The following ASIC2 variants were observed in gnomAD, a reference collection of about 807,000 sequenced individuals.
ASIC2 encodes the protein acid-sensing ion channel 2.
ASIC2 carries 25 observed loss-of-function variants against 57.3 expected under a neutral mutation model. The ratio of observed to expected loss-of-function variants is 0.44; its 90% CI spans 0.32 to 0.61. The LOEUF (loss-of-function observed/expected upper bound fraction) is 0.61, where lower values mean the gene tolerates loss of function less well. ASIC2 is among the 20% of genes least tolerant of loss of function. The probability of loss-of-function intolerance (pLI) is 0.06; values close to 1 mark genes in which losing one functional copy is unlikely to be tolerated. For missense variants in ASIC2, 641 were observed against 738.1 expected, an observed-to-expected ratio of 0.87 and a Z score of 1.52; for synonymous variants, 319 against 307.5, an observed-to-expected ratio of 1.04 and a Z score of -0.39.
intron 1 of ASIC2, among the ~76,000 whole-genome samples, chr17:33,201,282 T>C (rs1906848968): frequency 6.6e-6 from 1 of 152,200 alleles, no homozygotes; most frequent in African/African-American, 2.4e-5. Flanking sequence ...CATTAAACAC[T>C]AGTTTGTTGG....
intron 1 of ASIC2, among the ~76,000 whole-genome samples, chr17:33,584,788 G>T (rs965220439): frequency 2.0e-5 from 3 of 152,098 alleles, no homozygotes; most frequent in Non-Finnish European, 4.4e-5. Flanking sequence ...CGTAGGAGAA[G>T]GATTCGGAAG....
chr17:33,429,401 G>GT (rs1388137478), intron 1 of ASIC2, among the ~76,000 whole-genome samples: 14 of 151,562 alleles, frequency 9.2e-5, no homozygotes, highest in East Asian at 1.9e-4. Flanking sequence ...GTCTTTTTTT[G>GT]TTTTTTTGAG....
chr17:34,071,149 G>A (rs1037717527), intron 1 of ASIC2: 1 of 152,138 alleles, frequency 6.6e-6, no homozygotes, highest in African/African-American at 2.4e-5. Context: ...TTGTGATTAG[G>A]CCAGATATCT....
intron 1 of ASIC2, among the ~76,000 whole-genome samples, chr17:33,789,958 C>A (rs965307975): frequency 1.3e-5 from 2 of 152,040 alleles, no homozygotes; most frequent in Non-Finnish European, 2.9e-5. Context: ...TGACGTGGGT[C>A]ATAGAGGAGA....
At chr17:33,862,893 G>T (rs901931811) in intron 1 of ASIC2, among the ~76,000 whole-genome samples, 1 of 152,168 alleles carries the variant, frequency 6.6e-6, no homozygotes, top group African/African-American at 2.4e-5. Context: ...GAAGACCAGT[G>T]GTTCACCAAG....
chr17:33,881,514 G>A (rs190185729), intron 1 of ASIC2, among the ~76,000 whole-genome samples: 1 of 152,170 alleles, frequency 6.6e-6, no homozygotes, highest in South Asian at 2.1e-4. Context: ...ACTCACAATT[G>A]CTTCAAAGAG....
chr17:34,043,326 T>G (rs1015941721), intron 1 of ASIC2, among the ~76,000 whole-genome samples: 11 of 152,218 alleles, frequency 7.2e-5, no homozygotes, highest in African/African-American at 2.7e-4. Context: ...TAAAGGTTAT[T>G]ACATGGTATG....
intron 1 of ASIC2, among the ~76,000 whole-genome samples, chr17:33,880,331 A>G (rs557495748): frequency 6.6e-6 from 1 of 152,298 alleles, no homozygotes; most frequent in Non-Finnish European, 1.5e-5. Flanking sequence ...GTTTTTTTGA[A>G]AAGATCAACA....
At chr17:33,839,504 T>C (rs1913368918) in intron 1 of ASIC2, among the ~76,000 whole-genome samples, 1 of 152,092 alleles carries the variant, frequency 6.6e-6, no homozygotes, top group Non-Finnish European at 1.5e-5. Context: ...CCTTCTACAC[T>C]CTGATATGTA....
At chr17:33,244,285 T>G (rs975399176) in intron 1 of ASIC2, among the ~76,000 whole-genome samples, 2 of 152,194 alleles carry the variant, frequency 1.3e-5, no homozygotes, top group Non-Finnish European at 2.9e-5. Flanking sequence ...CTATTTACAT[T>G]GGAAAGGCAG....
intron 1 of ASIC2, among the ~76,000 whole-genome samples, chr17:33,120,100 G>A (rs1417500928): frequency 6.6e-6 from 1 of 152,196 alleles, no homozygotes; most frequent in Non-Finnish European, 1.5e-5. Flanking sequence ...AGAGTAGTTT[G>A]CCTGATTTTT....
At chr17:33,066,990 T>C (rs2141945599) in intron 3 of ASIC2, among the ~76,000 whole-genome samples, 1 of 152,090 alleles carries the variant, frequency 6.6e-6, no homozygotes, top group Non-Finnish European at 1.5e-5. Flanking sequence ...AAACCTGGGA[T>C]TGTAAAATGA....
chr17:33,860,142 T>C (rs1597905789), intron 1 of ASIC2, among the ~76,000 whole-genome samples: 1 of 152,150 alleles, frequency 6.6e-6, no homozygotes, highest in East Asian at 1.9e-4. Context: ...ATGGAGATTA[T>C]GGTGCCTACA....
chr17:33,698,979 C>T (rs1281457237), intron 1 of ASIC2, among the ~76,000 whole-genome samples: 1 of 152,140 alleles, frequency 6.6e-6, no homozygotes, highest in East Asian at 1.9e-4. Context: ...AAAATGCTGT[C>T]TCCTCATTGG....
At chr17:33,691,909 A>T (rs1025625049) in intron 1 of ASIC2, among the ~76,000 whole-genome samples, 3 of 152,116 alleles carry the variant, frequency 2.0e-5, no homozygotes, top group Non-Finnish European at 4.4e-5. Context: ...TCGTTGGGTG[A>T]TTTTGTCATT....
chr17:33,807,948 A>T (rs1433960354), intron 1 of ASIC2, among the ~76,000 whole-genome samples: 1 of 152,248 alleles, frequency 6.6e-6, no homozygotes, highest in Non-Finnish European at 1.5e-5. Context: ...TTTATCAGAC[A>T]CATCTTTTGC....
intron 1 of ASIC2, among the ~76,000 whole-genome samples, chr17:33,772,007 T>A (rs2142121109): frequency 6.6e-6 from 1 of 152,274 alleles, no homozygotes; most frequent in South Asian, 2.1e-4. Context: ...AGCAGAAGCT[T>A]TTCTCTGGTT....
In ASIC2 at chr17:33,731,597, G is replaced by T. The variant is rs184550452; in HGVS notation, c.555+424381C>A. On this transcript the variant is annotated intron_variant, in intron 1 of 9. Transcript: ENST00000359872. ...TAATATACAGAGAGATTGATGGGAG[G>T]AGTCTATACAGTGGTAAATGAAACA... Among the ~76,000 whole-genome samples, 408 of 152,330 alleles carry T rather than the reference G, an allele frequency of 2.7e-3. 1 individual carries two copies. Among genetic ancestry groups the T allele is most frequent in the African/African-American group, 9.4e-3 (389 of 41,572 alleles).
chr17:33,394,201 C>T (rs1037997145), intron 1 of ASIC2, among the ~76,000 whole-genome samples: 1 of 152,210 alleles, frequency 6.6e-6, no homozygotes, highest in African/African-American at 2.4e-5. Context: ...AGATGTTTCA[C>T]TAATCATCCC....
Sources: allele counts gnomAD v4.1 joint callset (sites outside exome capture counted in the v4.1 genomes callset), GRCh38; gene constraint gnomAD v4.1.1; transcripts MANE v1.5; gene names NCBI Gene and HGNC (gene_info 2026-07-23, HGNC 2026-07-21).